Variants in SRC observed in about 807,000 individuals in gnomAD.
SRC encodes SRC proto-oncogene, non-receptor tyrosine kinase, also known as proto-oncogene tyrosine-protein kinase Src.
Under a neutral mutation model 62.9 loss-of-function variants are expected in SRC, and 13 were observed. That is an observed-to-expected ratio of 0.21 (90% CI 0.13 to 0.33). SRC has a LOEUF of 0.33. SRC is among the 10% of genes least tolerant of loss of function. The probability of loss-of-function intolerance (pLI) is 1.00; values close to 1 mark genes in which losing one functional copy is unlikely to be tolerated. For synonymous variants in SRC, 302 were observed against 317.5 expected (o/e 0.95, Z 0.52); for missense variants, 457 against 737.3 (o/e 0.62, Z 4.40).
At chr20:37,347,921 C>T (rs1422906978) in intron 1 of SRC, among the ~76,000 whole-genome samples, 1 of 152,224 alleles carries the variant, frequency 6.6e-6, no homozygotes, top group African/African-American at 2.4e-5. Flanking sequence ...GACAGGACTG[C>T]ACACACAGCA....
At chr20:37,377,876 T>TTTTTTAA (rs1005366429) in intron 2 of SRC, among the ~76,000 whole-genome samples, 1 of 152,060 alleles carries the variant, frequency 6.6e-6, no homozygotes, top group African/African-American at 2.4e-5. Context: ...TTTTTAAAGT[T>TTTTTTAA]TTTTTAATTT....
intron 5 of SRC, among the ~76,000 whole-genome samples, chr20:37,393,513 CA>C (rs940333084): frequency 2.6e-5 from 4 of 152,238 alleles, no homozygotes; most frequent in Non-Finnish European, 5.9e-5. Context: ...CCCGCAGAGA[CA>C]GGGGGTTCCC....
At chr20:37,371,116 G>A (rs922067243) in intron 2 of SRC, among the ~76,000 whole-genome samples, 1 of 151,766 alleles carries the variant, frequency 6.6e-6, no homozygotes. Context: ...AGCCTCCTGA[G>A]TAGCTGGGAT....
intron 1 of SRC, among the ~76,000 whole-genome samples, chr20:37,355,853 G>A (rs556158598): frequency 2.6e-5 from 4 of 152,310 alleles, no homozygotes; most frequent in Admixed American, 2.0e-4. Context: ...CCATGGAGGT[G>A]GGGAGCAGCA....
chr20:37,382,619 A>C lies in SRC; in HGVS notation c.-172A>C, dbSNP rs1031556955. The C allele has an allele frequency of 3.9e-5, 6 of 152,256 alleles. No homozygotes were observed. Among genetic ancestry groups the C allele is most frequent in the Admixed American group, 3.3e-4 (5 of 15,278 alleles). 9.4% of individuals were successfully genotyped at this position (152,256 alleles called of 1,614,324 possible). A position where few individuals can be genotyped will look rare whatever the true frequency, so the allele number is the denominator to read the frequency against. On this transcript the variant is annotated splice_region_variant and 5_prime_UTR_variant, in exon 3 of 14. An upstream start codon of the reference 5' UTR is lost. Coordinates refer to ENST00000373578, the MANE Select transcript of SRC (RefSeq NM_198291.3). ...TGTCTGCTTTATCCCTGCTTTGCAG[A>C]TGAGGACGCTGAGGCCCAGAGAGGG... is the stretch of plus-strand genomic sequence containing the variant.
rs775004909 is a variant in SRC, at chr20:37,393,892, C to T, written c.351-3C>T. ...TTTCCTCCCTCCTTCTGTCCCTGCT[C>T]AGAGAGGGAGACTGGTGGCTGGCCC... On this transcript the variant is annotated splice_polypyrimidine_tract_variant and splice_region_variant and intron_variant, in intron 5 of 13. Transcript: ENST00000373578. 1.4e-5 allele frequency: 23 copies of T among 1,611,268 alleles called. No individual in the cohort carries two copies. The highest frequency in any genetic ancestry group is 1.9e-5 in the Non-Finnish European group (22 of 1,177,646).
intron 3 of SRC, among the ~76,000 whole-genome samples, chr20:37,383,307 G>T (rs2070392102): frequency 6.6e-6 from 1 of 152,224 alleles, no homozygotes; most frequent in Non-Finnish European, 1.5e-5. Context: ...TGGGCAGTGG[G>T]AATGGTATGT....
chr20:37,402,333 A>AAG lies in SRC; in HGVS notation c.1117-102_1117-101insAG, dbSNP rs1182765803. On this transcript the variant is annotated intron_variant, in intron 11 of 13. Coordinates refer to ENST00000373578, the MANE Select transcript of SRC (RefSeq NM_198291.3). The surrounding 1 kb of genome is among the most constrained non-coding windows in gnomAD (Gnocchi z 6.2). ...CTCACTTGCCTGAAGAAGTGTGGGG[A>AAG]GGGTGGGGAAGGGGTGGTTGGCTCT... is the stretch of plus-strand genomic sequence containing the variant. 2.0e-5 allele frequency: 28 copies of AAG among 1,393,140 alleles called. No individual in the cohort carries two copies. The highest frequency in any genetic ancestry group is 2.7e-5 in the Non-Finnish European group (28 of 1,022,506). The allele number at this position is 1,393,140 out of a possible 1,614,324, so 86.3% of individuals were successfully genotyped here.
At chr20:37,365,576 A>T (rs2070050794) in intron 2 of SRC, among the ~76,000 whole-genome samples, 1 of 152,006 alleles carries the variant, frequency 6.6e-6, no homozygotes, top group Non-Finnish European at 1.5e-5. Context: ...TCAATATTAC[A>T]TATTTGCAAA....
chr20:37,376,023 A>G (rs2070271010), intron 2 of SRC, among the ~76,000 whole-genome samples: 1 of 152,108 alleles, frequency 6.6e-6, no homozygotes, highest in Non-Finnish European at 1.5e-5. Flanking sequence ...ATCACCTCCC[A>G]AGGCCCACCT....
At chr20:37,401,401 G>A (rs2070735439) in intron 10 of SRC, among the ~76,000 whole-genome samples, 1 of 152,116 alleles carries the variant, frequency 6.6e-6, no homozygotes, top group African/African-American at 2.4e-5. Context: ...TTCACCTGGA[G>A]GTGGACTTCT....
chr20:37,396,099 C>A lies in SRC; in HGVS notation c.554-63C>A. 1.9e-6 allele frequency: 3 copies of A among 1,582,590 alleles called. No homozygotes were observed. The highest frequency in any genetic ancestry group is 2.6e-6 in the Non-Finnish European group (3 of 1,167,274). ...ATGTCAGGCAGGCACAGAACGGTGT[C>A]CAGAGCAGCGGCCTGCGGGGGGAGA... On this transcript the variant is annotated intron_variant, in intron 7 of 13. Transcript: ENST00000373578. The surrounding 1 kb of genome is among the most constrained non-coding windows in gnomAD (Gnocchi z 6.1).
At chr20:37,381,822 C>T (rs532350716) in intron 2 of SRC, among the ~76,000 whole-genome samples, 1 of 152,316 alleles carries the variant, frequency 6.6e-6, no homozygotes, top group South Asian at 2.1e-4. Context: ...GACTTTGGAC[C>T]TGTCCCCAGG....
chr20:37,363,594 G>A (rs1001111928), intron 1 of SRC, among the ~76,000 whole-genome samples: 3 of 152,246 alleles, frequency 2.0e-5, no homozygotes, highest in African/African-American at 7.2e-5. Context: ...CTACAGGGCT[G>A]CTGGGAACAT....
rs986339612 is a variant in SRC, at chr20:37,405,771, G to C, written c.*2392G>C. 2 of 152,388 alleles carry C rather than the reference G, an allele frequency of 1.3e-5. No individual in the cohort carries two copies. Among genetic ancestry groups the C allele is most frequent in the Admixed American group, 6.5e-5 (1 of 15,288 alleles). 9.4% of individuals were successfully genotyped at this position (152,388 alleles called of 1,614,324 possible). A position where few individuals can be genotyped will look rare whatever the true frequency, so the allele number is the denominator to read the frequency against. On this transcript the variant is annotated 3_prime_UTR_variant, in exon 14 of 14. Coordinates refer to ENST00000373578, the MANE Select transcript of SRC (RefSeq NM_198291.3). ...AGAGGAGATCACAAATACACGACGAGAATACCGTTGTGTGTGCTCTTCGTG... is the reference window on the plus strand; with the variant it reads ...AGAGGAGATCACAAATACACGACGACAATACCGTTGTGTGTGCTCTTCGTG...
chr20:37,388,499 A>C (rs971731082), intron 5 of SRC, among the ~76,000 whole-genome samples: 2 of 152,178 alleles, frequency 1.3e-5, no homozygotes, highest in Non-Finnish European at 2.9e-5. Flanking sequence ...TAATCCCAGC[A>C]CTTTGGGAGG....
At chr20:37,360,681 G>A (rs2069955541) in intron 1 of SRC, among the ~76,000 whole-genome samples, 1 of 152,168 alleles carries the variant, frequency 6.6e-6, no homozygotes, top group South Asian at 2.1e-4. Context: ...CATTCAAGTA[G>A]GATGCCTAGC....
At position 37,403,551 on chromosome 20, in the gene SRC, G is replaced by A. The variant is rs2070776822; in HGVS notation, c.*172G>A. ...CATGGAAGGGGCTTCTGGACCTAGG[G>A]TGGCCTGAGAGGGCGGTGGGTATGC... On this transcript the variant is annotated 3_prime_UTR_variant, in exon 14 of 14. Transcript: ENST00000373578. This position sits in a 1 kb window ranked among gnomAD's most constrained non-coding sequence, Gnocchi z 7.1. 1 of 783,068 alleles carries A rather than the reference G, an allele frequency of 1.3e-6. No individual in the cohort carries two copies. Among genetic ancestry groups the A allele is most frequent in the Admixed American group, 2.9e-5 (1 of 34,582 alleles). The allele number at this position is 783,068 out of a possible 1,614,324, so 48.5% of individuals were successfully genotyped here.
intron 1 of SRC, among the ~76,000 whole-genome samples, chr20:37,356,841 T>C (rs910431043): frequency 6.6e-6 from 1 of 152,166 alleles, no homozygotes; most frequent in Non-Finnish European, 1.5e-5. Flanking sequence ...CTGTTGGCAC[T>C]GGTGCCAGAT....
Sources: allele counts gnomAD v4.1 joint callset (sites outside exome capture counted in the v4.1 genomes callset), GRCh38; gene constraint gnomAD v4.1.1; non-coding constraint Gnocchi (gnomAD v3.1); transcripts MANE v1.5; gene names NCBI Gene and HGNC (gene_info 2026-07-23, HGNC 2026-07-21).